RINT1: variants seen among roughly 807,000 people sequenced by gnomAD.
RINT1 encodes RAD50 interactor 1.
A neutral mutation model predicts 97.7 loss-of-function variants in RINT1; 75 were observed. That is an observed-to-expected ratio of 0.77 (90% confidence interval 0.64 to 0.93). The LOEUF is 0.93. Among genes scored for constraint, RINT1 ranks in the 40% least tolerant of loss-of-function variants. The pLI is 0.00. For missense variants in RINT1, 892 were observed against 925.2 expected (o/e 0.96, Z 0.47); for synonymous variants, 303 against 326.3 (o/e 0.93, Z 0.77).
At chr7:105,565,753 G>A (rs1322083155) in intron 14 of RINT1, 105 bp downstream of exon 14, 2 of 725,930 alleles carry the variant, frequency 2.8e-6, no homozygotes, top group African/African-American at 3.5e-5. Flanking sequence ...GATAAGATCA[G>A]TTGAAATTTT....
At chr7:105,557,183 AATT>A (rs752971299) in intron 11 of RINT1, among the ~76,000 whole-genome samples, 3 of 152,216 alleles carry the variant, frequency 2.0e-5, no homozygotes, top group South Asian at 2.1e-4. Context: ...TTTTAATATG[AATT>A]ATTAATATAA....
intron 2 of RINT1, among the ~76,000 whole-genome samples, chr7:105,535,229 CTTTTT>C (rs57647904): frequency 3.1e-5 from 4 of 129,408 alleles, no homozygotes; most frequent in Non-Finnish European, 6.5e-5. Flanking sequence ...GCTTAAAAAC[CTTTTT>C]TTTTTTTTTT....
chr7:105,560,041 T>C (rs926500844), intron 11 of RINT1, among the ~76,000 whole-genome samples: 3 of 152,230 alleles, frequency 2.0e-5, no homozygotes, highest in South Asian at 2.1e-4. Flanking sequence ...GGGTGAGATA[T>C]GGGAGGTGAG....
chr7:105,558,092 A>C (rs1791264230), intron 11 of RINT1, among the ~76,000 whole-genome samples: 1 of 152,140 alleles, frequency 6.6e-6, no homozygotes, highest in South Asian at 2.1e-4. Flanking sequence ...AGGTGTGTGG[A>C]TCACCTGAGG....
At chr7:105,552,235 T>C (rs1790959677) in intron 10 of RINT1, among the ~76,000 whole-genome samples, 1 of 152,216 alleles carries the variant, frequency 6.6e-6, no homozygotes, top group Non-Finnish European at 1.5e-5. Flanking sequence ...ACTTCCTGAA[T>C]AATTACACAA....
chr7:105,560,694 C>A (rs1392842003), intron 11 of RINT1, among the ~76,000 whole-genome samples: 3 of 151,714 alleles, frequency 2.0e-5, no homozygotes, highest in Admixed American at 1.3e-4. Context: ...CTTAAGAAAC[C>A]ATTTCAAGGG....
At position 105,542,543 on chromosome 7, in the gene RINT1, A is replaced by C. The variant is rs775839295; in HGVS notation, c.409A>C (p.Thr137Pro). The change falls in exon 4 of 15, where the codon ACT (threonine) becomes CCT (proline). Residue 137 changes from threonine (T) to proline (P), a missense_variant. Thr to Pro is a conservative substitution (Grantham distance 38, BLOSUM62 -1). Coordinates refer to ENST00000257700, the MANE Select transcript of RINT1 (RefSeq NM_021930.6). ...LFSAINSHLLTAQPWMDDLGT... is the reference protein window; with the variant it reads ...LFSAINSHLLPAQPWMDDLGT... ...CAGCGCCATTAACAGCCATTTGCTGACTGCGCAACCTTGGATGGACGATCT... is the reference window on the plus strand; with the variant it reads ...CAGCGCCATTAACAGCCATTTGCTGCCTGCGCAACCTTGGATGGACGATCT... The C allele has an allele frequency of 2.5e-6, 4 of 1,614,186 alleles. No homozygotes were observed. In the East Asian group the frequency reaches 8.9e-5, roughly 36 times the overall value.
chr7:105,555,510 G>A (rs995366777), intron 11 of RINT1: 1 of 244,110 alleles, frequency 4.1e-6, no homozygotes, highest in Non-Finnish European at 8.0e-6. Context: ...TTCATGTATG[G>A]TAATTGCAAT....
intron 11 of RINT1, among the ~76,000 whole-genome samples, chr7:105,560,912 G>T (rs1463084547): frequency 2.6e-5 from 4 of 151,846 alleles, no homozygotes; most frequent in African/African-American, 9.7e-5. Flanking sequence ...GTAGAGATGG[G>T]GTTTCACCAT....
At chr7:105,540,008 T>C (rs1341283410) in intron 3 of RINT1, among the ~76,000 whole-genome samples, 1 of 152,190 alleles carries the variant, frequency 6.6e-6, no homozygotes, top group Admixed American at 6.5e-5. Context: ...CTTTGTATTT[T>C]GCTGATGACT....
chr7:105,563,351 C>A (rs1791524816), intron 11 of RINT1, among the ~76,000 whole-genome samples: 1 of 152,064 alleles, frequency 6.6e-6, no homozygotes, highest in Non-Finnish European at 1.5e-5. Flanking sequence ...ATAAAAAAAT[C>A]ATTGAATTAT....
At chr7:105,554,860 T>G (rs998000021) in intron 10 of RINT1, among the ~76,000 whole-genome samples, 168 bp from the exon 11 acceptor site, 3 of 152,236 alleles carry the variant, frequency 2.0e-5, no homozygotes, top group South Asian at 2.1e-4. Context: ...GGCAAATGTA[T>G]ATACTTTTGA....
chr7:105,567,068 T>C (rs774555696), intron 14 of RINT1, 51 bp from the exon 15 acceptor site: 1 of 1,152,896 alleles, frequency 8.7e-7, no homozygotes, highest in African/African-American at 1.6e-5. Flanking sequence ...TGTAATATAA[T>C]TGATGCAGAT....
chr7:105,547,529 G>T (rs933037497), intron 6 of RINT1, among the ~76,000 whole-genome samples, 196 bp downstream of exon 6: 29 of 152,092 alleles, frequency 1.9e-4, no homozygotes, highest in African/African-American at 6.3e-4. Flanking sequence ...AGGGCTGTAA[G>T]GAAGAGTTCC....
intron 9 of RINT1, among the ~76,000 whole-genome samples, chr7:105,551,046 T>G (rs1790903113): frequency 6.6e-6 from 1 of 152,126 alleles, no homozygotes. Flanking sequence ...TTTTTATTTT[T>G]GAGATAGGGT....
chr7:105,543,906 T>C (rs1299283032), intron 4 of RINT1, among the ~76,000 whole-genome samples: 1 of 150,870 alleles, frequency 6.6e-6, no homozygotes, highest in Non-Finnish European at 1.5e-5. Context: ...CTGACCAACA[T>C]GGTGAAACCC....
intron 4 of RINT1, among the ~76,000 whole-genome samples, 175 bp from the exon 5 acceptor site, chr7:105,546,735 G>A (rs966888866): frequency 1.3e-5 from 2 of 152,026 alleles, no homozygotes; most frequent in South Asian, 2.1e-4. Flanking sequence ...ATTTAGCCAG[G>A]CATGGGGGCG....
intron 10 of RINT1, 78 bp downstream of exon 10, chr7:105,551,785 G>A: frequency 1.6e-6 from 2 of 1,259,152 alleles, no homozygotes; most frequent in South Asian, 3.1e-5. Flanking sequence ...AGCTCAGTAG[G>A]CTGGGTGCAG....
In RINT1 at chr7:105,555,052, C is replaced by T. The variant is rs745700113; in HGVS notation, c.1496C>T (p.Ala499Val). The change falls in exon 11 of 15, where the codon GCT (alanine) becomes GTT (valine). Residue 499 changes from alanine (A) to valine (V), a missense_variant. Physicochemically the swap from Ala to Val is moderately conservative, Grantham distance 64 (BLOSUM62 0). Coordinates refer to ENST00000257700, the MANE Select transcript of RINT1 (RefSeq NM_021930.6). ...ITDRYKNLPT[A>V]SRKLQFLELQ... Reference sequence around the variant, plus strand: ...GACAGGTATAAAAATCTTCCCACAGCTTCCCGAAAGCTTCAGTTCCTGGAG... The same window carrying T: ...GACAGGTATAAAAATCTTCCCACAGTTTCCCGAAAGCTTCAGTTCCTGGAG... The T allele has an allele frequency of 1.2e-6, 2 of 1,613,734 alleles. No homozygotes were observed.
Sources: gnomAD v4.1 joint callset for allele counts (sites outside exome capture counted in the v4.1 genomes callset) on GRCh38, gnomAD v4.1.1 for gene constraint, MANE v1.5 for transcripts, NCBI Gene and HGNC (gene_info 2026-07-23, HGNC 2026-07-21) for gene names.